CCHCR1: variants seen among roughly 807,000 people sequenced by gnomAD.
The protein encoded by CCHCR1 is HCR (a-helix coiled-coil rod homologue).
A neutral mutation model predicts 114.6 loss-of-function variants in CCHCR1; 91 were observed. The ratio of observed to expected loss-of-function variants is 0.79; its 90% CI spans 0.67 to 0.94. The LOEUF is 0.94. Ranked by LOEUF, CCHCR1 falls within the 40% of genes least tolerant of loss-of-function variation. The pLI, the probability that CCHCR1 is intolerant of heterozygous loss-of-function variation, is 0.00. For synonymous variants in CCHCR1, 379 were observed against 428.5 expected, an observed-to-expected ratio of 0.88 and a Z score of 1.43; for missense variants, 899 against 1,079.9, an observed-to-expected ratio of 0.83 and a Z score of 2.35.
At position 31,154,228 on chromosome 6, in the gene CCHCR1, G is replaced by A. The variant is rs1775667658; in HGVS notation, c.801+268C>T. The stretch of plus-strand genomic sequence containing the variant: ...ATTGGTACCTGGAGTAAAGTAGGGA[G>A]GCAAACTATTTCCTACTAGAAAGGG... On this transcript the variant is annotated intron_variant, in intron 4 of 17. Transcript: ENST00000396268. This position sits in a 1 kb window ranked among gnomAD's most constrained non-coding sequence, Gnocchi z 4.1. Among the ~76,000 whole-genome samples, 1 of 152,114 alleles carries A rather than the reference G, an allele frequency of 6.6e-6. No individual in the cohort carries two copies. The highest frequency in any genetic ancestry group is 1.5e-5 in the Non-Finnish European group (1 of 68,024).
chr6:31,154,479 T>A lies in CCHCR1; in HGVS notation c.801+17A>T. On this transcript the variant is annotated intron_variant, in intron 4 of 17. Coordinates refer to ENST00000396268, the MANE Select transcript of CCHCR1 (RefSeq NM_001105564.2). The surrounding 1 kb of genome is among the most constrained non-coding windows in gnomAD (Gnocchi z 4.1). ...CTCTCCGTTATGAATTTGAATCCTT[T>A]CTACCCCTGCATTCACCTGCTCTTG... 6.3e-7 allele frequency: 1 copy of A among 1,595,870 alleles called. No homozygotes were observed. Among genetic ancestry groups the A allele is most frequent in the Admixed American group, 1.7e-5 (1 of 59,590 alleles).
In CCHCR1 at chr6:31,154,887, A is replaced by G; in HGVS notation, c.498-88T>C. Reference sequence around the variant, plus strand: ...TAAACATAGCCAGGAGAAGGAAAAGAGGACCCCTCTGCTTCCGTGTGGGGA... The same window carrying G: ...TAAACATAGCCAGGAGAAGGAAAAGGGGACCCCTCTGCTTCCGTGTGGGGA... On this transcript the variant is annotated intron_variant, in intron 3 of 17. Coordinates refer to ENST00000396268, the MANE Select transcript of CCHCR1 (RefSeq NM_001105564.2). The surrounding 1 kb of genome is among the most constrained non-coding windows in gnomAD (Gnocchi z 4.1). 3.9e-6 allele frequency: 5 copies of G among 1,271,192 alleles called. No homozygotes were observed. Among genetic ancestry groups the G allele is most frequent in the Non-Finnish European group, 5.3e-6 (5 of 939,946 alleles). 78.7% of individuals were successfully genotyped at this position (1,271,192 alleles called of 1,614,324 possible).
rs774393422 is a variant in CCHCR1 at position 31,150,550 on chromosome 6, G to A, written c.1117C>T (p.Arg373Trp). Residue 373 changes from arginine to tryptophan, a missense_variant, in exon 7 of 18, where the codon CGG (arginine) becomes TGG (tryptophan). Physicochemically the swap from Arg to Trp is moderately radical, Grantham distance 101. Coordinates refer to ENST00000396268, the MANE Select transcript of CCHCR1 (RefSeq NM_001105564.2). This position sits in a 1 kb window ranked among gnomAD's most constrained non-coding sequence, Gnocchi z 5.3. Reference sequence around the variant, plus strand: ...TCCGCGGTGGCATGCAGGCTGTCCCGGTCCTCCTGCAAGTGCTGCGGGCAG... The same window carrying A: ...TCCGCGGTGGCATGCAGGCTGTCCCAGTCCTCCTGCAAGTGCTGCGGGCAG... ...LETMQHLQED[R>W]DSLHATAELL... 9.3e-6 allele frequency: 15 copies of A among 1,611,432 alleles called. No individual in the cohort carries two copies. Among genetic ancestry groups the A allele is most frequent in the East Asian group, 8.9e-5 (4 of 44,870 alleles).
rs971717718 is a variant in CCHCR1, at chr6:31,144,338, G to T, written c.2167+349C>A. 1.3e-5 allele frequency among the ~76,000 whole-genome samples: 2 copies of T among 151,924 alleles called. No individual in the cohort carries two copies. The highest frequency in any genetic ancestry group is 6.6e-5 in the Admixed American group (1 of 15,252). ...CCTCACAAGTAAGCTTGGGGTACAGGTGCCCACCACCAGGCCTAGCTAATT... is the reference window on the plus strand; with the variant it reads ...CCTCACAAGTAAGCTTGGGGTACAGTTGCCCACCACCAGGCCTAGCTAATT... On this transcript the variant is annotated intron_variant, in intron 15 of 17. Coordinates refer to ENST00000396268, the MANE Select transcript of CCHCR1 (RefSeq NM_001105564.2). This position sits in a 1 kb window ranked among gnomAD's most constrained non-coding sequence, Gnocchi z 4.6.
intron 3 of CCHCR1, among the ~76,000 whole-genome samples, chr6:31,155,330 C>T (rs921389626): frequency 5.9e-5 from 9 of 151,990 alleles, no homozygotes; most frequent in East Asian, 5.8e-4. Flanking sequence ...ATTGGCTGGG[C>T]GCGGTGGCTC....
Position 31,150,569 on chromosome 6 carries a change from C to A in CCHCR1, c.1102-4G>T, listed in dbSNP as rs1036175474. 1.2e-6 allele frequency: 2 copies of A among 1,609,194 alleles called. No individual in the cohort carries two copies. Among genetic ancestry groups the A allele is most frequent in the South Asian group, 2.2e-5 (2 of 90,832 alleles). ...TGTCCCGGTCCTCCTGCAAGTGCTGCGGGCAGAGGAAAGCAGCCCCTCTGT... is the reference window on the plus strand; with the variant it reads ...TGTCCCGGTCCTCCTGCAAGTGCTGAGGGCAGAGGAAAGCAGCCCCTCTGT... On this transcript the variant is annotated splice_polypyrimidine_tract_variant and splice_region_variant and intron_variant, in intron 6 of 17. Transcript: ENST00000396268. This position sits in a 1 kb window ranked among gnomAD's most constrained non-coding sequence, Gnocchi z 5.3.
chr6:31,158,143 C>T (rs1039964474), upstream of CCHCR1: 3 of 156,688 alleles, frequency 1.9e-5, no homozygotes, highest in African/African-American at 7.2e-5. Flanking sequence ...CGCCCCCAAC[C>T]GACTCTTCCC....
chr6:31,158,069 C>T, upstream of CCHCR1: 1 of 175,960 alleles, frequency 5.7e-6, no homozygotes, highest in Non-Finnish European at 1.2e-5. Flanking sequence ...CTTCACCTGG[C>T]CCCTGTACCC....
intron 4 of CCHCR1, among the ~76,000 whole-genome samples, chr6:31,152,643 T>C (rs1775413070): frequency 6.6e-6 from 1 of 152,162 alleles, no homozygotes; most frequent in African/African-American, 2.4e-5. Context: ...CCAGCCCTAA[T>C]TTCTTCCATA....
chr6:31,156,574 CA>C (rs1386389002), intron 3 of CCHCR1, 156 bp downstream of exon 3: 7 of 614,872 alleles, frequency 1.1e-5, no homozygotes, highest in Non-Finnish European at 2.0e-5. Context: ...TAGCACTTAG[CA>C]CACTGCTTTA....
chr6:31,145,499 G>A lies in CCHCR1; in HGVS notation c.1694-6C>T, dbSNP rs886400. On this transcript the variant is annotated splice_region_variant and splice_polypyrimidine_tract_variant and intron_variant, in intron 11 of 17. Coordinates refer to ENST00000396268, the MANE Select transcript of CCHCR1 (RefSeq NM_001105564.2). Reference sequence around the variant, plus strand: ...AAGCTTTCGAGCAATCAGGCCTGGAGGGGAAAAAGCAGGGAGAAAAAGAGA... The same window carrying A: ...AAGCTTTCGAGCAATCAGGCCTGGAAGGGAAAAAGCAGGGAGAAAAAGAGA... The A allele has an allele frequency of 0.62, 1,000,189 of 1,612,068 alleles. 313,318 individuals carry two copies. The highest frequency in any genetic ancestry group is 0.75 in the Middle Eastern group (4,525 of 6,060).
chr6:31,153,243 G>C (rs759893029), intron 4 of CCHCR1, among the ~76,000 whole-genome samples: 5 of 151,918 alleles, frequency 3.3e-5, no homozygotes, highest in Non-Finnish European at 5.9e-5. Context: ...CAAAGTGCTG[G>C]GATTACAGGC....
At position 31,147,399 on chromosome 6, in the gene CCHCR1, CAAA is replaced by C. The variant is rs9278998; in HGVS notation, c.1580+1003_1580+1005del. 3.2e-4 allele frequency among the ~76,000 whole-genome samples: 40 copies of C among 126,976 alleles called. 1 individual carries two copies. Among genetic ancestry groups the C allele is most frequent in the African/African-American group, 9.3e-4 (30 of 32,350 alleles). 83.3% of individuals were successfully genotyped at this position (126,976 alleles called of 152,430 possible). A position where few individuals can be genotyped will look rare whatever the true frequency, so the allele number is the denominator to read the frequency against. On this transcript the variant is annotated intron_variant, in intron 10 of 17. Coordinates refer to ENST00000396268, the MANE Select transcript of CCHCR1 (RefSeq NM_001105564.2). ...TGGGTGACAGTGCGAGACTCTGTCT[CAAA>C]AAAAAAAAAAAAAAAAAAAAGAACT... is the stretch of plus-strand genomic sequence containing the variant.
rs372934272 is a variant in CCHCR1, at chr6:31,143,401, C to T, written c.2180G>A (p.Arg727His). 1.2e-4 allele frequency: 199 copies of T among 1,612,874 alleles called. No individual in the cohort carries two copies. Among genetic ancestry groups the T allele is most frequent in the East Asian group, 7.6e-4 (34 of 44,866 alleles). Reference protein sequence around the residue: ...REHAKAVVSLRQIQRRAAQEK... With the variant: ...REHAKAVVSLHQIQRRAAQEK... Reference sequence around the variant, plus strand: ...CTGGGCGGCTCTGCGCTGAATCTGGCGTAAGGAGACCACTACAGAGAGGCC... The same window carrying T: ...CTGGGCGGCTCTGCGCTGAATCTGGTGTAAGGAGACCACTACAGAGAGGCC... Residue 727 changes from arginine to histidine, a missense_variant, in exon 16 of 18, where the codon CGC becomes CAC. Coordinates refer to ENST00000396268, the MANE Select transcript of CCHCR1 (RefSeq NM_001105564.2). The surrounding 1 kb of genome is among the most constrained non-coding windows in gnomAD (Gnocchi z 5.3).
chr6:31,148,374 A>T, intron 10 of CCHCR1, 31 bp downstream of exon 10: 1 of 1,347,556 alleles, frequency 7.4e-7, no homozygotes, highest in Non-Finnish European at 1.0e-6. Flanking sequence ...TGGCAGAAAC[A>T]CTACTCCACC....
At position 31,144,983 on chromosome 6, in the gene CCHCR1, A is replaced by G; in HGVS notation, c.1967T>C (p.Leu656Pro). ...GCCCTGGCGTGCTACCTCCAGCTGC[A>G]GCCCCAAGCTAGCCAGGGACTCCTG... is the stretch of plus-strand genomic sequence containing the variant. ...QTQESLASLG[L>P]QLEVARQGQQ... The change falls in exon 14 of 18, where the codon CTG (leucine) becomes CCG (proline). Residue 656 changes from leucine to proline, a missense_variant. Transcript: ENST00000396268. The surrounding 1 kb of genome is among the most constrained non-coding windows in gnomAD (Gnocchi z 4.6). The G allele has an allele frequency of 6.2e-7, 1 of 1,608,400 alleles. No individual in the cohort carries two copies. Among genetic ancestry groups the G allele is most frequent in the Non-Finnish European group, 8.5e-7 (1 of 1,179,788 alleles).
chr6:31,143,154 AC>A lies in CCHCR1; in HGVS notation c.2320-21del. 6.2e-7 allele frequency: 1 copy of A among 1,612,084 alleles called. No individual in the cohort carries two copies. The highest frequency in any genetic ancestry group is 8.5e-7 in the Non-Finnish European group (1 of 1,179,550). ...GGTGGCCTGGGAAGGAGAGGGTTAAACCTAGCCCGGATAGAGCCTCCCTCAC... is the reference window on the plus strand; with the variant it reads ...GGTGGCCTGGGAAGGAGAGGGTTAAACTAGCCCGGATAGAGCCTCCCTCAC... On this transcript the variant is annotated intron_variant, in intron 16 of 17. Coordinates refer to ENST00000396268, the MANE Select transcript of CCHCR1 (RefSeq NM_001105564.2). The surrounding 1 kb of genome is among the most constrained non-coding windows in gnomAD (Gnocchi z 5.3).
chr6:31,144,745 C>T lies in CCHCR1; in HGVS notation c.2109G>A (p.Glu703=), dbSNP rs765955473. 12 of 1,613,986 alleles carry T rather than the reference C, an allele frequency of 7.4e-6. No individual in the cohort carries two copies. The highest frequency in any genetic ancestry group is 4.5e-5 in the East Asian group (2 of 44,876). ...GCCTCCTCTCTGTGTCTGAGAGTTG[C>T]TCCCGCAGCCGAGTTTCCACTTCAG... ...KVAEVETRLR[E]QLSDTERRLN... Residue 703 remains glutamate (E), a synonymous_variant, in exon 15 of 18, where the codon GAG becomes GAA. Coordinates refer to ENST00000396268, the MANE Select transcript of CCHCR1 (RefSeq NM_001105564.2). The surrounding 1 kb of genome is among the most constrained non-coding windows in gnomAD (Gnocchi z 4.6).
Position 31,154,790 on chromosome 6 carries a change from C to G in CCHCR1, c.507G>C (p.Gly169=). The change falls in exon 4 of 18, where the codon GGG becomes GGC. Residue 169 remains glycine, a synonymous_variant. Transcript: ENST00000396268. The surrounding 1 kb of genome is among the most constrained non-coding windows in gnomAD (Gnocchi z 4.1). ...GGCTCAGGGCCTGTGACCCCTCCAGCCCCCAGGACCTTCAAAGACAGGTTA... is the reference window on the plus strand; with the variant it reads ...GGCTCAGGGCCTGTGACCCCTCCAGGCCCCAGGACCTTCAAAGACAGGTTA... ...QEPGRRGRSW[G]LEGSQALSQQ... is the part of the protein sequence containing the mutation. 2 of 1,601,532 alleles carry G rather than the reference C, an allele frequency of 1.2e-6. No individual in the cohort carries two copies. Among genetic ancestry groups the G allele is most frequent in the Non-Finnish European group, 1.7e-6 (2 of 1,178,506 alleles).
Sources: allele counts gnomAD v4.1 joint callset (sites outside exome capture counted in the v4.1 genomes callset), GRCh38; gene constraint gnomAD v4.1.1; non-coding constraint Gnocchi (gnomAD v3.1); transcripts MANE v1.5; gene names NCBI Gene and HGNC (gene_info 2026-07-23, HGNC 2026-07-21).